Variants in CACNA1A observed in about 807,000 individuals in gnomAD.
CACNA1A encodes calcium voltage-gated channel subunit alpha1 A.
Under a neutral mutation model 262.4 loss-of-function variants are expected in CACNA1A, and 57 were observed. The observed-to-expected ratio is 0.22, with a 90% CI of 0.18 to 0.27. The LOEUF is 0.27. CACNA1A is among the 10% of genes least tolerant of loss of function. The pLI, the probability that CACNA1A is intolerant of heterozygous loss-of-function variation, is 1.00. For missense variants in CACNA1A, 2,526 were observed against 3,562.8 expected (o/e 0.71, Z 7.41); for synonymous variants, 1,431 against 1,419.3 (o/e 1.01, Z -0.18).
intron 22 of CACNA1A, among the ~76,000 whole-genome samples, chr19:13,279,040 T>C (rs566484710): frequency 3.1e-4 from 47 of 152,182 alleles, no homozygotes; most frequent in Middle Eastern, 3.4e-3. Context: ...GACCATCTCA[T>C]ACCCTGTCAA....
chr19:13,475,760 C>T (rs1337903776), intron 1 of CACNA1A, among the ~76,000 whole-genome samples: 2 of 152,040 alleles, frequency 1.3e-5, no homozygotes, highest in Non-Finnish European at 2.9e-5. Flanking sequence ...TGAAGAGAAA[C>T]ATCAATGGAG....
intron 1 of CACNA1A, among the ~76,000 whole-genome samples, chr19:13,491,178 T>C (rs1980841034): frequency 6.6e-6 from 1 of 152,214 alleles, no homozygotes; most frequent in African/African-American, 2.4e-5. Context: ...ATCCTTGCTG[T>C]GCCTTCACCT....
At chr19:13,365,580 C>T (rs1871470) in intron 4 of CACNA1A, 111 bp from the exon 5 acceptor site, 10 of 878,542 alleles carry the variant, frequency 1.1e-5, no homozygotes, top group Non-Finnish European at 1.7e-5. Context: ...CCTGAGGGAA[C>T]ATTAAGCACC....
chr19:13,332,521 C>T lies in CACNA1A; in HGVS notation c.1255+348G>A, dbSNP rs549987205. Reference sequence around the variant, plus strand: ...GTGGAATTATTACTTATTTAGCAAACAGAAACGTGCTGACCCCATGCCAGG... The same window carrying T: ...GTGGAATTATTACTTATTTAGCAAATAGAAACGTGCTGACCCCATGCCAGG... On this transcript the variant is annotated intron_variant, in intron 9 of 46. Coordinates refer to ENST00000360228, the MANE Select transcript of CACNA1A (RefSeq NM_001127222.2). Among the ~76,000 whole-genome samples the T allele has an allele frequency of 2.4e-4, 36 of 152,296 alleles. 1 individual carries two copies. Among genetic ancestry groups the T allele is most frequent in the South Asian group, 1.7e-3 (8 of 4,818 alleles).
In CACNA1A at chr19:13,248,700, G is replaced by A. The variant is rs141266428; in HGVS notation, c.4867-3435C>T. ...TCTGCTAAAAATACAAAAATTAGCC[G>A]GGCGTGATGGTGGGCGCCTGTAATC... is the stretch of plus-strand genomic sequence containing the variant. On this transcript the variant is annotated intron_variant, in intron 30 of 46. Transcript: ENST00000360228. Among the ~76,000 whole-genome samples, 167 of 152,030 alleles carry A rather than the reference G, an allele frequency of 1.1e-3. No homozygotes were observed. In the East Asian group the frequency reaches 0.02, roughly 18 times the overall value.
chr19:13,334,273 C>T, intron 8 of CACNA1A, 105 bp downstream of exon 8: 2 of 685,698 alleles, frequency 2.9e-6, no homozygotes, highest in Non-Finnish European at 5.3e-6. Context: ...TCTTTCTCCT[C>T]CCATCATAAC....
chr19:13,325,054 C>T (rs1028126144), intron 10 of CACNA1A, among the ~76,000 whole-genome samples: 1 of 149,468 alleles, frequency 6.7e-6, no homozygotes, highest in African/African-American at 2.5e-5. Flanking sequence ...TTCCTCTTCC[C>T]CTTCCCCTTC....
chr19:13,261,278 A>G (rs934426609), intron 26 of CACNA1A, 172 bp downstream of exon 26: 1 of 588,282 alleles, frequency 1.7e-6, no homozygotes. Context: ...TGGTGACTCA[A>G]ATTCTAAAAC....
chr19:13,347,927 T>C (rs1281448440), intron 6 of CACNA1A, among the ~76,000 whole-genome samples: 1 of 151,984 alleles, frequency 6.6e-6, no homozygotes, highest in African/African-American at 2.4e-5. Context: ...TTTTAATTAT[T>C]AGGTTTTTTT....
intron 1 of CACNA1A, among the ~76,000 whole-genome samples, chr19:13,486,930 CTT>C (rs1164012001): frequency 2.6e-5 from 4 of 152,134 alleles, no homozygotes; most frequent in Non-Finnish European, 5.9e-5. Flanking sequence ...CGCAGCCTCT[CTT>C]TCTTTTAACA....
chr19:13,210,766 A>T, intron 43 of CACNA1A, 114 bp from the exon 44 acceptor site: 1 of 1,055,176 alleles, frequency 9.5e-7, no homozygotes, highest in South Asian at 1.4e-5. Flanking sequence ...CAAGGAGGGG[A>T]GTGGCACTGG....
At chr19:13,361,542 AC>A (rs2059111431) in intron 5 of CACNA1A, among the ~76,000 whole-genome samples, 2 of 152,232 alleles carry the variant, frequency 1.3e-5, no homozygotes, top group Non-Finnish European at 2.9e-5. Flanking sequence ...TTCCTACTCA[AC>A]AAAAATATCT....
intron 5 of CACNA1A, chr19:13,364,120 G>A (rs900687064): frequency 1.3e-5 from 2 of 152,270 alleles, no homozygotes; most frequent in Non-Finnish European, 2.9e-5. Context: ...GCCACTGAAG[G>A]GTTAATGTGG....
At chr19:13,240,669 CTG>C (rs1214936583) in intron 31 of CACNA1A, among the ~76,000 whole-genome samples, 11 of 146,026 alleles carry the variant, frequency 7.5e-5, no homozygotes, top group African/African-American at 2.1e-4. Flanking sequence ...TGGATAGTGA[CTG>C]TGTGTGCAGT....
intron 46 of CACNA1A, 95 bp downstream of exon 46, chr19:13,208,661 C>T: frequency 2.1e-6 from 3 of 1,403,880 alleles, no homozygotes; most frequent in Non-Finnish European, 2.8e-6. Context: ...GATCCGGGGA[C>T]CTTTGCCTAG....
At chr19:13,461,054 G>A (rs1401346758) in intron 1 of CACNA1A, among the ~76,000 whole-genome samples, 2 of 152,034 alleles carry the variant, frequency 1.3e-5, no homozygotes, top group Admixed American at 1.3e-4. Context: ...AACACCAGTG[G>A]AAGGGCCTGG....
At chr19:13,296,438 T>C (rs895190403) in intron 19 of CACNA1A, among the ~76,000 whole-genome samples, 2 of 152,252 alleles carry the variant, frequency 1.3e-5, no homozygotes, top group Non-Finnish European at 2.9e-5. Flanking sequence ...AGTCCCTATA[T>C]GCAGAATCAC....
rs7250050 is a variant in CACNA1A at position 13,444,945 on chromosome 19, C to T, written c.539+7931G>A. 9.2e-3 allele frequency among the ~76,000 whole-genome samples: 1,396 copies of T among 152,100 alleles called. 17 individuals are homozygous for T. The highest frequency in any genetic ancestry group is 0.031 in the African/African-American group (1,278 of 41,496). On this transcript the variant is annotated intron_variant, in intron 3 of 46. Transcript: ENST00000360228. Reference sequence around the variant, plus strand: ...CTGAGGGCAGGACTTGGAGACTAGCCTGACCAACATGGAGAAACCTCGTCT... The same window carrying T: ...CTGAGGGCAGGACTTGGAGACTAGCTTGACCAACATGGAGAAACCTCGTCT...
intron 3 of CACNA1A, among the ~76,000 whole-genome samples, chr19:13,402,847 CATAT>C (rs113824375): frequency 2.8e-4 from 31 of 110,938 alleles, no homozygotes; most frequent in African/African-American, 8.3e-4. Context: ...TATATATACA[CATAT>C]ATATATACAC....
Sources: gnomAD v4.1 joint callset for allele counts (sites outside exome capture counted in the v4.1 genomes callset) on GRCh38, gnomAD v4.1.1 for gene constraint, MANE v1.5 for transcripts, NCBI Gene and HGNC (gene_info 2026-07-23, HGNC 2026-07-21) for gene names.